Variants in TXNRD1 observed in about 807,000 individuals in gnomAD.
TXNRD1 encodes the protein thioredoxin reductase 1, cytoplasmic.
TXNRD1 carries 57 observed loss-of-function variants against 80.3 expected under a neutral mutation model. The observed-to-expected ratio is 0.71, with a 90% CI of 0.57 to 0.89. TXNRD1 has a LOEUF of 0.89. Ranked by LOEUF, TXNRD1 falls within the 40% of genes least tolerant of loss-of-function variation. The probability of loss-of-function intolerance (pLI) is 0.00; values close to 1 mark genes in which losing one functional copy is unlikely to be tolerated. For missense variants in TXNRD1, 730 were observed against 803.0 expected (o/e 0.91, Z 1.10); for synonymous variants, 291 against 285.2 (o/e 1.02, Z -0.20).
intron 4 of TXNRD1, among the ~76,000 whole-genome samples, chr12:104,303,162 G>C (rs1382339707): frequency 6.6e-6 from 1 of 152,152 alleles, no homozygotes; most frequent in South Asian, 2.1e-4. Context: ...TTTCCTGCAG[G>C]GGTTAGCACG....
intron 6 of TXNRD1, among the ~76,000 whole-genome samples, chr12:104,314,995 G>A (rs7315475): frequency 0.23 from 34,809 of 151,866 alleles, 4,102 homozygotes; most frequent in Middle Eastern, 0.29. Context: ...CACCCGCCTC[G>A]GCCTCCCAAA....
In TXNRD1 at chr12:104,319,010, C is replaced by A. The variant is rs2035429943; in HGVS notation, c.828C>A (p.Val276=). The change falls in exon 8 of 17, where the codon GTC becomes GTA. Residue 276 remains valine, a synonymous_variant. Coordinates refer to ENST00000525566, the MANE Select transcript of TXNRD1 (RefSeq NM_001093771.3). ...TAGCTCTGCGGGAGAAAAAAGTCGT[C>A]TATGAGAATGCTTATGGGCAATTTA... ...YRVALREKKV[V]YENAYGQFIG... The A allele has an allele frequency of 6.2e-7, 1 of 1,613,580 alleles. No homozygotes were observed. The highest frequency in any genetic ancestry group is 1.7e-4 in the Middle Eastern group (1 of 6,058).
intron 4 of TXNRD1, chr12:104,304,976 G>T (rs2034834686): frequency 6.6e-7 from 1 of 1,521,116 alleles, no homozygotes. Context: ...TTTTTTTTCT[G>T]AAGTTAGATG....
At chr12:104,254,751 C>A (rs73180111) in intron 2 of TXNRD1, among the ~76,000 whole-genome samples, 17 of 150,116 alleles carry the variant, frequency 1.1e-4, no homozygotes, top group African/African-American at 2.7e-4. Flanking sequence ...TTAAAGGTTA[C>A]AGTGAGCTAT....
chr12:104,339,054 G>T, intron 15 of TXNRD1, 85 bp from the exon 16 acceptor site: 1 of 1,538,736 alleles, frequency 6.5e-7, no homozygotes, highest in South Asian at 1.2e-5. Context: ...TTAAGAAACA[G>T]ACTGGAGAAA....
At chr12:104,287,289 C>T (rs767094497) in intron 3 of TXNRD1, 2 of 1,613,984 alleles carry the variant, frequency 1.2e-6, no homozygotes, top group South Asian at 2.2e-5. Flanking sequence ...CAAACCCAGG[C>T]AGCTTCGTGG....
chr12:104,328,220 A>T (rs982720848), intron 13 of TXNRD1, among the ~76,000 whole-genome samples: 1 of 151,156 alleles, frequency 6.6e-6, no homozygotes, highest in Non-Finnish European at 1.5e-5. Context: ...TCACATTATG[A>T]ATAAAAAGAG....
chr12:104,289,057 T>C lies in TXNRD1; in HGVS notation c.414+17T>C, dbSNP rs756659960. On this transcript the variant is annotated intron_variant, in intron 4 of 16. Coordinates refer to ENST00000525566, the MANE Select transcript of TXNRD1 (RefSeq NM_001093771.3). ...ACCTTGAAGGTAGGAGAGAGTAACGTATCTTTTTAAACGGGGGATGAGCTC... is the reference window on the plus strand; with the variant it reads ...ACCTTGAAGGTAGGAGAGAGTAACGCATCTTTTTAAACGGGGGATGAGCTC... 32 of 1,606,282 alleles carry C rather than the reference T, an allele frequency of 2.0e-5. No homozygotes were observed. Among genetic ancestry groups the C allele is most frequent in the Non-Finnish European group, 2.4e-5 (28 of 1,174,226 alleles).
intron 10 of TXNRD1, 102 bp downstream of exon 10, chr12:104,321,418 A>G (rs1443750225): frequency 4.4e-6 from 4 of 905,320 alleles, no homozygotes; most frequent in East Asian, 5.2e-5. Context: ...ATTATAAACC[A>G]TCAGGAATGC....
intron 3 of TXNRD1, chr12:104,287,570 C>T: frequency 6.8e-7 from 1 of 1,478,544 alleles, no homozygotes; most frequent in Non-Finnish European, 9.1e-7. Context: ...ACCATTTAAT[C>T]CTCAGAAATC....
At chr12:104,254,914 A>G (rs539543722) in intron 2 of TXNRD1, among the ~76,000 whole-genome samples, 2 of 151,684 alleles carry the variant, frequency 1.3e-5, no homozygotes, top group East Asian at 3.9e-4. Context: ...AGACCAGCCT[A>G]GGCAACATGG....
intron 3 of TXNRD1, chr12:104,265,766 C>T (rs1008810153): frequency 4.4e-6 from 7 of 1,586,156 alleles, no homozygotes; most frequent in East Asian, 2.2e-5. Flanking sequence ...ATCAAGTTCC[C>T]GCTGCCCCAC....
chr12:104,320,674 A>T (rs987651983), intron 9 of TXNRD1, among the ~76,000 whole-genome samples: 1 of 151,406 alleles, frequency 6.6e-6, no homozygotes, highest in South Asian at 2.1e-4. Context: ...ATCCTAGTCC[A>T]CATTCTTGAT....
intron 4 of TXNRD1, chr12:104,303,930 C>A (rs1593792184): frequency 1.3e-6 from 2 of 1,581,018 alleles, no homozygotes; most frequent in Non-Finnish European, 1.7e-6. Flanking sequence ...GCGGAGGGAG[C>A]GCTGATGAAG....
chr12:104,264,837 C>G (rs961292298), intron 3 of TXNRD1, among the ~76,000 whole-genome samples: 3 of 152,124 alleles, frequency 2.0e-5, no homozygotes, highest in Non-Finnish European at 4.4e-5. Flanking sequence ...GGATAGATTA[C>G]TGGAATGGAT....
At chr12:104,238,481 T>C (rs989400686) in intron 1 of TXNRD1, among the ~76,000 whole-genome samples, 5 of 152,208 alleles carry the variant, frequency 3.3e-5, no homozygotes, top group African/African-American at 1.2e-4. Flanking sequence ...AGGAAACTTA[T>C]TTTGAACTAT....
rs202241198 is a variant in TXNRD1 at position 104,287,304 on chromosome 12, T to C, written c.305-1627T>C. 2.9e-4 allele frequency: 467 copies of C among 1,613,786 alleles called. 1 individual carries two copies. Among genetic ancestry groups the C allele is most frequent in the South Asian group, 4.4e-4 (40 of 91,080 alleles). ...CAAACCCAGGCAGCTTCGTGGCGTG[T>C]GCGGTTTCGACCCGGTCACACAAAG... On this transcript the variant is annotated intron_variant, in intron 3 of 16. Coordinates refer to ENST00000525566, the MANE Select transcript of TXNRD1 (RefSeq NM_001093771.3).
intron 3 of TXNRD1, among the ~76,000 whole-genome samples, chr12:104,274,310 C>T (rs1346631210): frequency 2.0e-5 from 3 of 152,042 alleles, no homozygotes; most frequent in Admixed American, 1.3e-4. Flanking sequence ...TCAACTGTCT[C>T]GGGCTTCTGG....
chr12:104,304,685 T>A, intron 4 of TXNRD1: 1 of 1,614,026 alleles, frequency 6.2e-7, no homozygotes, highest in Non-Finnish European at 8.5e-7. Context: ...TGATCCAAAC[T>A]CTTTTTCTCG....
Sources: gnomAD v4.1 joint callset for allele counts (sites outside exome capture counted in the v4.1 genomes callset) on GRCh38, gnomAD v4.1.1 for gene constraint, MANE v1.5 for transcripts, NCBI Gene and HGNC (gene_info 2026-07-23, HGNC 2026-07-21) for gene names.